The following RAD51B variants were observed in gnomAD, a reference collection of about 807,000 sequenced individuals.
RAD51B encodes RAD51 paralog B, also known as DNA repair protein RAD51 homolog 2.
RAD51B carries 38 observed loss-of-function variants against 42.2 expected under a neutral mutation model. That is an observed-to-expected ratio of 0.90 (90% CI 0.70 to 1.18). The LOEUF is 1.18. Ranked by LOEUF, RAD51B falls within the 50% of genes most tolerant of loss-of-function variation. The pLI is 0.00. For synonymous variants in RAD51B, 154 were observed against 145.2 expected (o/e 1.06, Z -0.43); for missense variants, 373 against 400.7 (o/e 0.93, Z 0.59).
At chr14:68,043,443 A>T (rs548843198) in intron 7 of RAD51B, among the ~76,000 whole-genome samples, 102 of 152,348 alleles carry the variant, frequency 6.7e-4, no homozygotes, top group Non-Finnish European at 1.2e-3. Flanking sequence ...TTTGGAAAAG[A>T]TATCTGATGA....
At chr14:67,891,132 T>G (rs2043206878) in intron 7 of RAD51B, among the ~76,000 whole-genome samples, 2 of 147,564 alleles carry the variant, frequency 1.4e-5, no homozygotes, top group Admixed American at 6.6e-5. Context: ...CCCCTTAATC[T>G]TCTTCTACTT....
At chr14:68,099,157 C>G (rs1416772498) in intron 7 of RAD51B, among the ~76,000 whole-genome samples, 1 of 152,212 alleles carries the variant, frequency 6.6e-6, no homozygotes, top group African/African-American at 2.4e-5. Flanking sequence ...CTGCTAATCA[C>G]TTCCTACTCT....
intron 7 of RAD51B, among the ~76,000 whole-genome samples, chr14:67,934,814 G>A (rs1202328758): frequency 6.6e-6 from 1 of 152,156 alleles, no homozygotes; most frequent in Non-Finnish European, 1.5e-5. Flanking sequence ...TATTGATGGG[G>A]GGGAATGTCC....
intron 9 of RAD51B, among the ~76,000 whole-genome samples, chr14:68,412,637 G>A (rs1214182340): frequency 6.6e-6 from 1 of 152,200 alleles, no homozygotes; most frequent in Non-Finnish European, 1.5e-5. Flanking sequence ...GATCACGTCA[G>A]CCATGTCCTG....
chr14:68,050,071 A>G (rs1431191322), intron 7 of RAD51B, among the ~76,000 whole-genome samples: 6 of 152,202 alleles, frequency 3.9e-5, no homozygotes, highest in Middle Eastern at 3.4e-3. Context: ...TTTTTCTATG[A>G]AGTATTCCCT....
rs557103998 is a variant in RAD51B, at chr14:68,230,813, C to G, written c.757-61071C>G. On this transcript the variant is annotated intron_variant, in intron 7 of 10. Transcript: ENST00000471583. ...GTATTTTTAAAATGTAAATCAGTAACTAGCAAGAGGCATCTTTGGTCATTG... is the reference window on the plus strand; with the variant it reads ...GTATTTTTAAAATGTAAATCAGTAAGTAGCAAGAGGCATCTTTGGTCATTG... Among the ~76,000 whole-genome samples the G allele has an allele frequency of 7.9e-5, 12 of 152,306 alleles. No individual in the cohort carries two copies. The South Asian group carries it at 2.5e-3, about 32-fold the overall frequency.
intron 11 of RAD51B, among the ~76,000 whole-genome samples, chr14:68,654,755 C>T (rs898227605): frequency 6.6e-6 from 1 of 152,178 alleles, no homozygotes; most frequent in Non-Finnish European, 1.5e-5. Flanking sequence ...TGCTTCAAAA[C>T]TTGCCTGCAA....
chr14:68,557,043 C>T (rs1303981576), intron 10 of RAD51B, among the ~76,000 whole-genome samples: 1 of 152,160 alleles, frequency 6.6e-6, no homozygotes, highest in African/African-American at 2.4e-5. Context: ...TTCACCTCTT[C>T]CAAGAAGCTT....
chr14:68,157,126 G>T (rs1297424269), intron 7 of RAD51B, among the ~76,000 whole-genome samples: 1 of 152,162 alleles, frequency 6.6e-6, no homozygotes, highest in Admixed American at 6.5e-5. Flanking sequence ...GAGCCTGGGT[G>T]GTTGAGTCAG....
rs191718305 is a variant in RAD51B, at chr14:68,276,490, C to T, written c.757-15394C>T. 5.2e-3 allele frequency among the ~76,000 whole-genome samples: 788 copies of T among 152,254 alleles called. 8 individuals carry two copies. Among genetic ancestry groups the T allele is most frequent in the South Asian group, 7.9e-3 (38 of 4,826 alleles). On this transcript the variant is annotated intron_variant, in intron 7 of 10. Coordinates refer to ENST00000471583, the MANE Select transcript of RAD51B (RefSeq NM_133510.4). ...TTGTATTTAATAAGTATTTTCATAACATTTTTAATTTTAATAATTAATTAC... is the reference window on the plus strand; with the variant it reads ...TTGTATTTAATAAGTATTTTCATAATATTTTTAATTTTAATAATTAATTAC...
chr14:67,954,254 A>G (rs911940032), intron 7 of RAD51B, among the ~76,000 whole-genome samples: 16 of 152,192 alleles, frequency 1.1e-4, no homozygotes, highest in Non-Finnish European at 1.9e-4. Context: ...CCAAGATTAT[A>G]TATACTATTC....
Position 67,825,464 on chromosome 14 carries a change from G to T in RAD51B, c.85G>T (p.Asp29Tyr), listed in dbSNP as rs980323947. ...LSRHQILTCQDFLCLSPLELM... is the reference protein window; with the variant it reads ...LSRHQILTCQYFLCLSPLELM... ...AAATACTCTCTTTATGTTTCTTTAG[G>T]ACTTTTTATGTCTTTCCCCACTGGA... The change falls in exon 3 of 11, where the codon GAC becomes TAC. Residue 29 changes from aspartate to tyrosine, a missense_variant and splice_region_variant. By Grantham distance (160) the Asp-to-Tyr change is radical (BLOSUM62 -3). Transcript: ENST00000471583. The T allele has an allele frequency of 1.9e-6, 3 of 1,599,516 alleles. No individual in the cohort carries two copies. Among genetic ancestry groups the T allele is most frequent in the Non-Finnish European group, 2.6e-6 (3 of 1,170,298 alleles).
At chr14:68,354,311 G>A (rs145860173) in intron 8 of RAD51B, among the ~76,000 whole-genome samples, 4 of 147,366 alleles carry the variant, frequency 2.7e-5, no homozygotes, top group African/African-American at 1.0e-4. Flanking sequence ...TCACCTCCCA[G>A]GTTCAAGCGA....
downstream of RAD51B, chr14:68,596,078 T>G (rs1351266701): frequency 1.9e-6 from 2 of 1,027,818 alleles, no homozygotes; most frequent in African/African-American, 3.4e-5. Context: ...TTATCCCATG[T>G]CTATTCTCCA....
chr14:68,121,527 GTCAACAGCT>G (rs1317375937), intron 7 of RAD51B, among the ~76,000 whole-genome samples: 1 of 152,046 alleles, frequency 6.6e-6, no homozygotes, highest in African/African-American at 2.4e-5. Context: ...AAACGAAAAA[GTCAACAGCT>G]TGCTTTATAG....
chr14:68,676,415 C>A (rs890221159), intron 11 of RAD51B, among the ~76,000 whole-genome samples: 1 of 152,156 alleles, frequency 6.6e-6, no homozygotes, highest in African/African-American at 2.4e-5. Context: ...AGCTGACCCA[C>A]GGAGGTCCCA....
At chr14:67,960,688 A>G (rs2074646010) in intron 7 of RAD51B, among the ~76,000 whole-genome samples, 1 of 152,126 alleles carries the variant, frequency 6.6e-6, no homozygotes, top group Non-Finnish European at 1.5e-5. Context: ...CTTTTTTTAG[A>G]GACAGGGTCT....
At chr14:68,671,960 G>C (rs570691937) in intron 11 of RAD51B, among the ~76,000 whole-genome samples, 1 of 152,284 alleles carries the variant, frequency 6.6e-6, no homozygotes, top group Non-Finnish European at 1.5e-5. Flanking sequence ...ACAGTCCCTT[G>C]ATAGTCCTAG....
intron 7 of RAD51B, among the ~76,000 whole-genome samples, chr14:67,966,458 A>G (rs535181903): frequency 1.3e-5 from 2 of 152,306 alleles, no homozygotes; most frequent in East Asian, 1.9e-4. Context: ...TTCTTACTAT[A>G]TAAGTATTGT....
Sources: allele counts gnomAD v4.1 joint callset (sites outside exome capture counted in the v4.1 genomes callset), GRCh38; gene constraint gnomAD v4.1.1; transcripts MANE v1.5; gene names NCBI Gene and HGNC (gene_info 2026-07-23, HGNC 2026-07-21).